The following CSMD1 variants were observed in gnomAD, a reference collection of about 807,000 sequenced individuals.
CSMD1 encodes the protein CUB and Sushi multiple domains 1.
Under a neutral mutation model 417.5 loss-of-function variants are expected in CSMD1, and 213 were observed. That is an observed-to-expected ratio of 0.51 (90% CI 0.46 to 0.57). CSMD1 has a LOEUF of 0.57. CSMD1 is among the 20% of genes least tolerant of loss of function. CSMD1 has a pLI of 0.00. For missense variants in CSMD1, 6,923 were observed against 4,529.7 expected, an observed-to-expected ratio of 1.53 and a Z score of -15.17; for synonymous variants, 2,862 against 1,736.8, an observed-to-expected ratio of 1.65 and a Z score of -16.11.
chr8:4,139,824 G>A (rs1018310850), intron 3 of CSMD1, among the ~76,000 whole-genome samples: 4 of 151,008 alleles, frequency 2.6e-5, no homozygotes, highest in Admixed American at 1.3e-4. Flanking sequence ...TTCCACAGAG[G>A]GCCTTGGAGC....
At chr8:4,213,852 G>C (rs1234606155) in intron 3 of CSMD1, among the ~76,000 whole-genome samples, 1 of 152,180 alleles carries the variant, frequency 6.6e-6, no homozygotes, top group Non-Finnish European at 1.5e-5. Flanking sequence ...CCAGTGTTTA[G>C]GCTGAGAATC....
At chr8:4,239,641 G>A (rs1373220177) in intron 3 of CSMD1, among the ~76,000 whole-genome samples, 5 of 152,320 alleles carry the variant, frequency 3.3e-5, no homozygotes, top group South Asian at 4.2e-4. Flanking sequence ...AACTGCTGCA[G>A]CCATGCTCGG....
At chr8:4,654,937 C>T (rs1432610113) in intron 1 of CSMD1, among the ~76,000 whole-genome samples, 1 of 151,804 alleles carries the variant, frequency 6.6e-6, no homozygotes, top group African/African-American at 2.4e-5. Flanking sequence ...GCACAGGTAT[C>T]CCCCAAATCT....
At chr8:4,558,225 T>C (rs1798179891) in intron 2 of CSMD1, among the ~76,000 whole-genome samples, 1 of 152,140 alleles carries the variant, frequency 6.6e-6, no homozygotes. Context: ...CTTATCACTT[T>C]AGTCAGTAAA....
intron 11 of CSMD1, among the ~76,000 whole-genome samples, chr8:3,476,741 A>G (rs187572059): frequency 1.3e-5 from 2 of 151,884 alleles, no homozygotes; most frequent in African/African-American, 2.4e-5. Context: ...AACATGATCA[A>G]ACTCCATCTC....
chr8:4,597,244 A>G (rs766860015), intron 2 of CSMD1, among the ~76,000 whole-genome samples: 4 of 152,194 alleles, frequency 2.6e-5, no homozygotes, highest in African/African-American at 9.7e-5. Flanking sequence ...TAGTGGTGAT[A>G]TATTATCCCA....
At chr8:4,951,274 C>T (rs1418445212) in intron 1 of CSMD1, among the ~76,000 whole-genome samples, 1 of 152,102 alleles carries the variant, frequency 6.6e-6, no homozygotes, top group Non-Finnish European at 1.5e-5. Flanking sequence ...GACTTTTAGT[C>T]TCTGCCTGAA....
At chr8:3,882,877 C>A (rs1360410252) in intron 5 of CSMD1, among the ~76,000 whole-genome samples, 2 of 152,148 alleles carry the variant, frequency 1.3e-5, no homozygotes, top group Non-Finnish European at 2.9e-5. Context: ...TGAGTTGGGA[C>A]TGACGATTTC....
chr8:3,012,455 G>C (rs932863184), intron 52 of CSMD1, among the ~76,000 whole-genome samples: 2 of 152,138 alleles, frequency 1.3e-5, no homozygotes, highest in Non-Finnish European at 2.9e-5. Flanking sequence ...GAAACAACTA[G>C]CATGCCAGCA....
intron 1 of CSMD1, among the ~76,000 whole-genome samples, chr8:4,737,722 T>A (rs775500378): frequency 7.9e-5 from 12 of 152,054 alleles, no homozygotes; most frequent in Non-Finnish European, 1.0e-4. Context: ...ACCTAAGCAA[T>A]AGGTAATGGC....
intron 10 of CSMD1, among the ~76,000 whole-genome samples, chr8:3,513,761 G>A (rs1455955380): frequency 2.0e-5 from 3 of 152,190 alleles, no homozygotes; most frequent in Non-Finnish European, 4.4e-5. Context: ...GCTGCAGAGT[G>A]CAGCTTCACC....
intron 10 of CSMD1, among the ~76,000 whole-genome samples, chr8:3,545,267 A>G (rs957146988): frequency 6.6e-6 from 1 of 152,202 alleles, no homozygotes; most frequent in African/African-American, 2.4e-5. Context: ...TGATTTAAAG[A>G]AGGACATGGT....
chr8:3,776,805 G>GATATATATATATATATAT (rs1411200186), intron 5 of CSMD1, among the ~76,000 whole-genome samples: 46 of 96,758 alleles, frequency 4.8e-4, no homozygotes, highest in African/African-American at 2.1e-3. Context: ...ACATATAGAC[G>GATATATATATATATATAT]AGATATATAT....
In CSMD1 at chr8:4,175,797, G is replaced by T. The variant is rs182685328; in HGVS notation, c.416-143698C>A. 4.7e-4 allele frequency among the ~76,000 whole-genome samples: 71 copies of T among 152,224 alleles called. 1 individual carries two copies. The highest frequency in any genetic ancestry group is 4.5e-3 in the Admixed American group (69 of 15,280). ...AGTCATGAATACTATGATGATCATG[G>T]CAATACAACAGCATATATAAAAGTA... On this transcript the variant is annotated intron_variant, in intron 3 of 69. Transcript: ENST00000635120.
intron 12 of CSMD1, among the ~76,000 whole-genome samples, chr8:3,445,895 G>C (rs1815272755): frequency 6.6e-6 from 1 of 152,156 alleles, no homozygotes; most frequent in Admixed American, 6.5e-5. Flanking sequence ...GCGTAAAATT[G>C]AGATCTATCA....
chr8:4,583,749 G>C (rs538271637), intron 2 of CSMD1, among the ~76,000 whole-genome samples: 1 of 149,324 alleles, frequency 6.7e-6, no homozygotes, highest in African/African-American at 2.6e-5. Context: ...ACAGACCACT[G>C]GGCTCTATCA....
At chr8:4,893,311 G>C (rs745575462) in intron 1 of CSMD1, among the ~76,000 whole-genome samples, 3 of 151,874 alleles carry the variant, frequency 2.0e-5, no homozygotes, top group Non-Finnish European at 4.4e-5. Context: ...ATATTCTGTA[G>C]AGTAATCCAT....
Position 3,564,471 on chromosome 8 carries a change from C to T in CSMD1, c.1344+10474G>A, listed in dbSNP as rs561182488. On this transcript the variant is annotated intron_variant, in intron 10 of 69. Transcript: ENST00000635120. ...CCTCTGTAACACTTTACGTTGTACA[C>T]TGATAAGGGATTAGTCTTCTTAGAA... Among the ~76,000 whole-genome samples, 138 of 151,492 alleles carry T rather than the reference C, an allele frequency of 9.1e-4. 1 individual carries two copies. Among genetic ancestry groups the T allele is most frequent in the Middle Eastern group, 3.4e-3 (1 of 294 alleles).
At chr8:4,558,453 G>A (rs987035947) in intron 2 of CSMD1, among the ~76,000 whole-genome samples, 1 of 152,128 alleles carries the variant, frequency 6.6e-6, no homozygotes, top group East Asian at 1.9e-4. Flanking sequence ...GCTTAAGTGA[G>A]GGTTGCAGTT....
Sources: gnomAD v4.1 joint callset for allele counts (sites outside exome capture counted in the v4.1 genomes callset) on GRCh38, gnomAD v4.1.1 for gene constraint, MANE v1.5 for transcripts, NCBI Gene and HGNC (gene_info 2026-07-23, HGNC 2026-07-21) for gene names.